Variants in PUDP observed in about 807,000 individuals in gnomAD.
PUDP encodes the protein pseudouridine-5'-phosphatase.
Under a neutral mutation model 9.4 loss-of-function variants are expected in PUDP, and 8 were observed. The observed-to-expected ratio is 0.85, with a 90% CI of 0.50 to 1.53. PUDP has a LOEUF of 1.53. PUDP is among the 40% of genes most tolerant of loss of function. The pLI is 0.00. For missense variants in PUDP, 188 were observed against 189.7 expected (o/e 0.99, Z 0.05); for synonymous variants, 99 against 80.7 (o/e 1.23, Z -1.22).
At chrX:6,865,386 G>A (rs1177508584) in intron 3 of PUDP, among the ~76,000 whole-genome samples, 1 of 112,108 alleles carries the variant, frequency 8.9e-6, no homozygotes, top group African/African-American at 3.2e-5. Flanking sequence ...CTCTCATTCA[G>A]AGACTTGCAA....
Position 7,086,855 on chromosome X carries a change from C to T in PUDP, c.281-9406G>A, listed in dbSNP as rs775211312. 3.6e-5 allele frequency among the ~76,000 whole-genome samples: 4 copies of T among 111,569 alleles called. No individual in the cohort carries two copies. The East Asian group carries it at 1.1e-3, about 31-fold the overall frequency. On this transcript the variant is annotated intron_variant, in intron 2 of 3. Transcript: ENST00000381077. ...TTGAGTGACTAACCTATATCCTGGA[C>T]GTAAGACAGTGTGGTAGTGTGGAAG... is the stretch of plus-strand genomic sequence containing the variant.
At chrX:6,919,766 G>A (rs1927989077) in intron 3 of PUDP, among the ~76,000 whole-genome samples, 1 of 101,111 alleles carries the variant, frequency 9.9e-6, no homozygotes, top group African/African-American at 3.6e-5. Flanking sequence ...GGCTGAGGCA[G>A]GAGAATCGCT....
chrX:6,945,225 T>C (rs932244918), intron 3 of PUDP, among the ~76,000 whole-genome samples: 1 of 111,119 alleles, frequency 9.0e-6, no homozygotes, highest in African/African-American at 3.3e-5. Context: ...CCTAGTTCGG[T>C]TTGATGTCAA....
chrX:7,102,135 A>G (rs1402698185), intron 2 of PUDP, among the ~76,000 whole-genome samples: 2 of 111,138 alleles, frequency 1.8e-5, no homozygotes, highest in Admixed American at 9.6e-5. Flanking sequence ...CATGGAAAAC[A>G]CTATATGAAA....
intron 3 of PUDP, among the ~76,000 whole-genome samples, chrX:6,933,166 C>A (rs1369364340): frequency 9.7e-6 from 1 of 103,470 alleles, no homozygotes; most frequent in Non-Finnish European, 2.0e-5. Flanking sequence ...CAGACTGCCT[C>A]CTCAAGTGGG....
intron 3 of PUDP, among the ~76,000 whole-genome samples, chrX:6,886,388 A>C (rs72609582): frequency 0.093 from 10,373 of 111,786 alleles, 607 homozygotes; most frequent in East Asian, 0.46. Flanking sequence ...ACAGTAAAGT[A>C]GGTTAATTTT....
chrX:7,032,573 C>A (rs913230724), intron 1 of PUDP, among the ~76,000 whole-genome samples: 17 of 112,219 alleles, frequency 1.5e-4, no homozygotes, highest in African/African-American at 5.5e-4. Flanking sequence ...AACGGAAACA[C>A]ATATAAATCT....
In PUDP at chrX:6,801,963, A is replaced by G. The variant is rs1925941673; in HGVS notation, c.*248-95497T>C. Among the ~76,000 whole-genome samples the G allele has an allele frequency of 2.7e-5, 3 of 111,812 alleles. No homozygotes were observed. The Admixed American group carries it at 2.9e-4, about 11-fold the overall frequency. ...AAGTTTTATGGTGAGTGAAGGCAAC[A>G]CTGAGTGTTACCAACGCAGTATTTT... On this transcript the variant is annotated intron_variant and NMD_transcript_variant, in intron 3 of 3. Coordinates refer to the PUDP transcript ENST00000655425.
chrX:7,124,947 C>CA (rs1339714732), intron 1 of PUDP, among the ~76,000 whole-genome samples: 2 of 102,518 alleles, frequency 2.0e-5, no homozygotes, highest in African/African-American at 3.6e-5. Context: ...GACTCTGTCT[C>CA]AAAAAAAAAG....
chrX:6,952,171 G>A (rs190422140), intron 3 of PUDP, among the ~76,000 whole-genome samples: 99 of 111,766 alleles, frequency 8.9e-4, no homozygotes, highest in Non-Finnish European at 1.5e-3. Context: ...TGTTCAATGG[G>A]CATTACATAT....
At chrX:6,785,648 C>T (rs1337491569) in intron 3 of PUDP, among the ~76,000 whole-genome samples, 1 of 110,521 alleles carries the variant, frequency 9.0e-6, no homozygotes, top group Non-Finnish European at 1.9e-5. Flanking sequence ...TAAACTGGTG[C>T]TTTAACTTAA....
rs768521133 is a variant in PUDP at position 6,902,580 on chromosome X, GGGGCAGA to G, written c.*247+74546_*247+74552del. 3.6e-5 allele frequency among the ~76,000 whole-genome samples: 4 copies of G among 112,351 alleles called. No individual in the cohort carries two copies. In the East Asian group the frequency reaches 1.1e-3, roughly 31 times the overall value. ...CCTTAAGGGTATTGCTTTGTATTTG[GGGGCAGA>G]GGGCAGGGGCTTTTAAAGAGGCACT... On this transcript the variant is annotated intron_variant and NMD_transcript_variant, in intron 3 of 3. Transcript: ENST00000655425.
downstream of PUDP, among the ~76,000 whole-genome samples, chrX:7,044,527 T>C (rs1459118830): frequency 8.9e-6 from 1 of 112,490 alleles, no homozygotes; most frequent in Non-Finnish European, 1.9e-5. Context: ...GAGTGTGAAG[T>C]GGATATGTCT....
At chrX:6,752,671 T>C (rs1280464136) in intron 3 of PUDP, among the ~76,000 whole-genome samples, 1 of 111,288 alleles carries the variant, frequency 9.0e-6, no homozygotes, top group Non-Finnish European at 1.9e-5. Context: ...ATGCTTTGGA[T>C]ATAAGAAATA....
rs748996546 is a variant in PUDP, at chrX:6,835,891, T to C, written c.*248-129425A>G. 1.2e-3 allele frequency among the ~76,000 whole-genome samples: 126 copies of C among 109,294 alleles called. 1 individual carries two copies. The East Asian group carries it at 0.034, about 30-fold the overall frequency. The allele number at this position is 109,294 out of a possible 115,157, so 94.9% of individuals were successfully genotyped here. ...CCACTGGCTTTTTTTTTTTTATTTT[T>C]ACTTTTAGTAGAAACAAGGGTTTCA... On this transcript the variant is annotated intron_variant and NMD_transcript_variant, in intron 3 of 3. Coordinates refer to the PUDP transcript ENST00000655425.
At chrX:7,097,279 C>G (rs1278958105) in intron 2 of PUDP, among the ~76,000 whole-genome samples, 1 of 112,009 alleles carries the variant, frequency 8.9e-6, no homozygotes, top group Non-Finnish European at 1.9e-5. Context: ...GAATAAGAAG[C>G]TCAACTCATA....
chrX:6,920,930 G>A (rs1928012134), intron 3 of PUDP, among the ~76,000 whole-genome samples: 1 of 111,059 alleles, frequency 9.0e-6, no homozygotes. Context: ...TCTATCCTTA[G>A]GACACAGCTT....
intron 3 of PUDP, among the ~76,000 whole-genome samples, chrX:6,915,043 GTCAT>G (rs1927909120): frequency 8.9e-6 from 1 of 112,109 alleles, no homozygotes; most frequent in Non-Finnish European, 1.9e-5. Context: ...TTTAAAAAAT[GTCAT>G]TCAAACAAAC....
At chrX:6,791,717 C>G (rs560007944) in intron 3 of PUDP, among the ~76,000 whole-genome samples, 14 of 111,851 alleles carry the variant, frequency 1.3e-4, no homozygotes, top group African/African-American at 4.2e-4. Flanking sequence ...AAGGAACACA[C>G]AGCCCTGCTA....
Sources: allele counts gnomAD v4.1 joint callset (sites outside exome capture counted in the v4.1 genomes callset), GRCh38; gene constraint gnomAD v4.1.1; transcripts MANE v1.5; gene names NCBI Gene and HGNC (gene_info 2026-07-23, HGNC 2026-07-21).